EPHX2: variants seen among roughly 807,000 people sequenced by gnomAD.
EPHX2 encodes bifunctional epoxide hydrolase 2.
Under a neutral mutation model 78.7 loss-of-function variants are expected in EPHX2, and 74 were observed. The observed-to-expected ratio is 0.94, with a 90% CI of 0.78 to 1.14. EPHX2 has a LOEUF of 1.14. EPHX2 is among the 50% of genes most tolerant of loss of function. EPHX2 has a pLI of 0.00. For missense variants in EPHX2, 715 were observed against 702.5 expected (o/e 1.02, Z -0.20); for synonymous variants, 251 against 255.2 (o/e 0.98, Z 0.16).
At chr8:27,506,724 G>C in intron 4 of EPHX2, 148 bp from the exon 5 acceptor site, 1 of 1,154,954 alleles carries the variant, frequency 8.7e-7, no homozygotes, top group Non-Finnish European at 1.2e-6. Context: ...TTGTTTTCAT[G>C]CGTATGTTGT....
At chr8:27,510,147 A>G (rs78863469) in intron 5 of EPHX2, among the ~76,000 whole-genome samples, 3,029 of 152,262 alleles carry the variant, frequency 0.02, 95 homozygotes, top group African/African-American at 0.07. Flanking sequence ...CCATAGTTAT[A>G]AAGGAGGTAG....
chr8:27,547,718 C>T (rs1243814248), downstream of EPHX2, among the ~76,000 whole-genome samples: 2 of 152,166 alleles, frequency 1.3e-5, no homozygotes, highest in Non-Finnish European at 2.9e-5. Context: ...TTCCCCAACC[C>T]TTCCCAGCCT....
In EPHX2 at chr8:27,500,733, G is replaced by C. The variant is rs536001273; in HGVS notation, c.102-193G>C. Among the ~76,000 whole-genome samples, 3 of 152,310 alleles carry C rather than the reference G, an allele frequency of 2.0e-5. No homozygotes were observed. In the East Asian group the frequency reaches 5.8e-4, roughly 29 times the overall value. ...TCTGTGGAACATACTGTGATTTACT[G>C]TATGGTCTCATGTCCTCAGCTGGAT... is the stretch of plus-strand genomic sequence containing the variant. On this transcript the variant is annotated intron_variant, in intron 1 of 18. Coordinates refer to ENST00000521400, the MANE Select transcript of EPHX2 (RefSeq NM_001979.6).
chr8:27,503,373 C>T (rs1338016799), intron 2 of EPHX2, among the ~76,000 whole-genome samples: 1 of 152,184 alleles, frequency 6.6e-6, no homozygotes, highest in African/African-American at 2.4e-5. Flanking sequence ...TCTATCCATT[C>T]TGCTGTTAGT....
chr8:27,504,205 C>T (rs919376790), intron 3 of EPHX2, among the ~76,000 whole-genome samples: 12 of 152,150 alleles, frequency 7.9e-5, no homozygotes, highest in South Asian at 4.1e-4. Flanking sequence ...CATCCATAGG[C>T]GTTGACTTGG....
At chr8:27,530,919 A>G (rs949662849) in intron 12 of EPHX2, among the ~76,000 whole-genome samples, 1 of 151,980 alleles carries the variant, frequency 6.6e-6, no homozygotes, top group Admixed American at 6.6e-5. Context: ...ATGCACCACC[A>G]CGCACGGCTA....
chr8:27,529,499 G>A (rs561808326), intron 12 of EPHX2, among the ~76,000 whole-genome samples: 139 of 152,254 alleles, frequency 9.1e-4, no homozygotes, highest in African/African-American at 3.2e-3. Flanking sequence ...CCCACCTCAC[G>A]ACACTGGTCC....
At chr8:27,501,359 TC>T (rs1813775004) in intron 2 of EPHX2, among the ~76,000 whole-genome samples, 1 of 130,526 alleles carries the variant, frequency 7.7e-6, no homozygotes, top group East Asian at 2.1e-4. Context: ...TTCTTCTTCT[TC>T]TTCTTCTTCT....
At chr8:27,496,616 C>G (rs528157997) in intron 1 of EPHX2, among the ~76,000 whole-genome samples, 1 of 152,296 alleles carries the variant, frequency 6.6e-6, no homozygotes, top group East Asian at 1.9e-4. Flanking sequence ...CTCCACTGAA[C>G]GTTCGGTTTT....
intron 6 of EPHX2, among the ~76,000 whole-genome samples, chr8:27,513,106 G>A (rs1254114380): frequency 2.0e-5 from 3 of 152,154 alleles, no homozygotes; most frequent in Admixed American, 6.5e-5. Context: ...TTTGGTTACA[G>A]CAAGGATGAG....
chr8:27,516,381 A>C lies in EPHX2; in HGVS notation c.893A>C (p.Glu298Ala). 1 of 1,613,844 alleles carries C rather than the reference A, an allele frequency of 6.2e-7. No homozygotes were observed. The highest frequency in any genetic ancestry group is 2.2e-5 in the East Asian group (1 of 44,854). Residue 298 changes from glutamate (E) to alanine (A), a missense_variant, in exon 8 of 19, where the codon GAG (glutamate) becomes GCG (alanine). Glu to Ala is a moderately radical substitution (Grantham distance 107). Transcript: ENST00000521400. ...VLAMDMKGYG[E>A]SSAPPEIEEY... ...GCTATGGACATGAAAGGCTATGGAG[A>C]GTCATCTGCTCCTCCCGGTGGGTGT...
chr8:27,491,152 T>A lies in EPHX2; in HGVS notation c.-57T>A. ...GCTGGGCGGGTCATGCGCCCTGGCC[T>A]TCGCGCATCTCCCAGGTTAGCTGCG... On this transcript the variant is annotated 5_prime_UTR_variant, in exon 1 of 19. Transcript: ENST00000521400. 2.7e-6 allele frequency: 4 copies of A among 1,503,588 alleles called. No homozygotes were observed. Among genetic ancestry groups the A allele is most frequent in the Non-Finnish European group, 3.6e-6 (4 of 1,124,728 alleles). 93.1% of individuals were successfully genotyped at this position (1,503,588 alleles called of 1,614,324 possible). A position where few individuals can be genotyped will look rare whatever the true frequency, so the allele number is the denominator to read the frequency against.
downstream of EPHX2, chr8:27,545,587 T>G (rs1815560509): frequency 6.9e-6 from 1 of 145,014 alleles, no homozygotes; most frequent in Non-Finnish European, 1.5e-5. Flanking sequence ...CACTTGCAGG[T>G]GCTGATCCTC....
In EPHX2 at chr8:27,522,494, C is replaced by A. The variant is rs1191672353; in HGVS notation, c.1044C>A (p.Tyr348Ter). Reference sequence around the variant, plus strand: ...TGGTGTGGTACATGGCTCTCTTCTACCCCGAGAGAGTGAGGTAATTGGGCC... The same window carrying A: ...TGGTGTGGTACATGGCTCTCTTCTAACCCGAGAGAGTGAGGTAATTGGGCC... Reference protein sequence around the residue: ...GMLVWYMALFYPERVRAVASL... With the variant: ...GMLVWYMALF The change falls in exon 11 of 19, where the codon TAC (tyrosine) becomes TAA (stop). Residue 348 changes from tyrosine (Y) to a stop codon, truncating the protein, a stop_gained. Coordinates refer to ENST00000521400, the MANE Select transcript of EPHX2 (RefSeq NM_001979.6). LOFTEE classifies it high-confidence loss of function. The A allele has an allele frequency of 6.2e-7, 1 of 1,613,844 alleles. No individual in the cohort carries two copies. Among genetic ancestry groups the A allele is most frequent in the African/African-American group, 1.3e-5 (1 of 74,870 alleles).
At chr8:27,539,581 C>G (rs1386797448) in intron 14 of EPHX2, among the ~76,000 whole-genome samples, 1 of 152,196 alleles carries the variant, frequency 6.6e-6, no homozygotes, top group Non-Finnish European at 1.5e-5. Flanking sequence ...GTCTGTCACT[C>G]ATTCATTCAC....
At chr8:27,540,468 G>T in intron 14 of EPHX2, 86 bp from the exon 15 acceptor site, 1 of 1,158,476 alleles carries the variant, frequency 8.6e-7, no homozygotes, top group South Asian at 1.3e-5. Flanking sequence ...AGTTCAGATG[G>T]TCTGCGAGAG....
In EPHX2 at chr8:27,513,833, G is replaced by A. The variant is rs546527298; in HGVS notation, c.736-1885G>A. On this transcript the variant is annotated intron_variant, in intron 6 of 18. Transcript: ENST00000521400. ...GCTAGAACACAGGCGAACTAGGATC[G>A]TTTTTGATCAGACATAAGTGTGAAA... Among the ~76,000 whole-genome samples, 10 of 152,164 alleles carry A rather than the reference G, an allele frequency of 6.6e-5. No homozygotes were observed. The South Asian group carries it at 8.3e-4, about 13-fold the overall frequency.
chr8:27,506,480 A>G (rs1814010114), intron 4 of EPHX2, among the ~76,000 whole-genome samples: 1 of 152,182 alleles, frequency 6.6e-6, no homozygotes, highest in Non-Finnish European at 1.5e-5. Context: ...TATTTCATAG[A>G]CATGTCTGTT....
chr8:27,493,496 G>C (rs1813461913), intron 1 of EPHX2, among the ~76,000 whole-genome samples: 1 of 152,228 alleles, frequency 6.6e-6, no homozygotes. Context: ...TCCTTTGAGA[G>C]TGTATGGTAG....
Sources: allele counts gnomAD v4.1 joint callset (sites outside exome capture counted in the v4.1 genomes callset), GRCh38; gene constraint gnomAD v4.1.1; transcripts MANE v1.5; gene names NCBI Gene and HGNC (gene_info 2026-07-23, HGNC 2026-07-21).